The following DACH1 variants were observed in gnomAD, a reference collection of about 807,000 sequenced individuals.
The protein encoded by DACH1 is dachshund homolog 1.
In DACH1, 12 loss-of-function variants were observed where a neutral mutation model predicts 54.2. That is an observed-to-expected ratio of 0.22 (90% CI 0.14 to 0.36). The LOEUF is 0.36. Among genes scored for constraint, DACH1 ranks in the 10% least tolerant of loss-of-function variants. The pLI is 1.00. For missense variants in DACH1, 805 were observed against 929.8 expected (o/e 0.87, Z 1.75); for synonymous variants, 386 against 366.2 (o/e 1.05, Z -0.62).
intron 1 of DACH1, among the ~76,000 whole-genome samples, chr13:71,836,859 C>G (rs75178863): frequency 6.6e-6 from 1 of 152,010 alleles, no homozygotes; most frequent in South Asian, 2.1e-4. Context: ...GCCTCCCTCT[C>G]CACCCCTAAC....
At chr13:71,669,086 T>A (rs1199760029) in intron 2 of DACH1, among the ~76,000 whole-genome samples, 1 of 152,170 alleles carries the variant, frequency 6.6e-6, no homozygotes, top group Admixed American at 6.5e-5. Flanking sequence ...GTTTTAAAAA[T>A]CATCATCATA....
At chr13:71,796,532 G>T (rs1887058729) in intron 1 of DACH1, among the ~76,000 whole-genome samples, 1 of 151,964 alleles carries the variant, frequency 6.6e-6, no homozygotes, top group Non-Finnish European at 1.5e-5. Context: ...ATGATTTAAG[G>T]TTACACACTG....
chr13:71,520,910 G>T (rs528328797), intron 6 of DACH1, among the ~76,000 whole-genome samples: 6 of 152,026 alleles, frequency 3.9e-5, no homozygotes, highest in East Asian at 3.9e-4. Context: ...AAGATAATTT[G>T]TAAGCATATA....
intron 1 of DACH1, among the ~76,000 whole-genome samples, chr13:71,778,112 A>G (rs1886142968): frequency 6.7e-6 from 1 of 148,406 alleles, no homozygotes; most frequent in South Asian, 2.1e-4. Flanking sequence ...ATAAATAAAT[A>G]AATAAATAAA....
In DACH1 at chr13:71,865,312, G is replaced by A. The variant is rs147322206; in HGVS notation, c.848+610C>T. On this transcript the variant is annotated intron_variant, in intron 1 of 10. Transcript: ENST00000613252. ...ATGGACCCGGTCTCTCAGCTTCGCG[G>A]GTCATTTCCCTCCCGACCTCAAAGT... Among the ~76,000 whole-genome samples the A allele has an allele frequency of 1.8e-3, 268 of 152,216 alleles. 1 individual carries two copies. The highest frequency in any genetic ancestry group is 6.3e-3 in the African/African-American group (261 of 41,568).
chr13:71,692,010 T>TACACACACACAC (rs34800453), intron 1 of DACH1, among the ~76,000 whole-genome samples: 22 of 140,030 alleles, frequency 1.6e-4, no homozygotes, highest in Admixed American at 7.1e-4. Context: ...AGCCCCCCAT[T>TACACACACACAC]ACACACACAC....
chr13:71,568,107 A>T (rs1884998260), intron 4 of DACH1, among the ~76,000 whole-genome samples: 1 of 152,052 alleles, frequency 6.6e-6, no homozygotes. Flanking sequence ...AGGTGGCATA[A>T]ATAGCTAATG....
At chr13:71,732,247 C>T (rs372326072) in intron 1 of DACH1, among the ~76,000 whole-genome samples, 1 of 152,202 alleles carries the variant, frequency 6.6e-6, no homozygotes, top group African/African-American at 2.4e-5. Flanking sequence ...CTTCTACTGT[C>T]CTAGTTCAGC....
intron 4 of DACH1, among the ~76,000 whole-genome samples, chr13:71,562,510 C>T (rs949427718): frequency 1.3e-5 from 2 of 152,014 alleles, no homozygotes; most frequent in African/African-American, 4.8e-5. Flanking sequence ...GCATTTGTTA[C>T]ACGCTAGGAT....
intron 2 of DACH1, among the ~76,000 whole-genome samples, chr13:71,676,748 G>A (rs1880599950): frequency 6.6e-6 from 1 of 152,014 alleles, no homozygotes; most frequent in African/African-American, 2.4e-5. Context: ...ATTAATTCTA[G>A]ATTAATATTG....
At chr13:71,466,451 C>T (rs1284148102) in intron 10 of DACH1, among the ~76,000 whole-genome samples, 1 of 152,112 alleles carries the variant, frequency 6.6e-6, no homozygotes, top group African/African-American at 2.4e-5. Flanking sequence ...TCTAAACTTC[C>T]ACTTTCAATC....
At chr13:71,507,953 C>T (rs1175323489) in intron 6 of DACH1, among the ~76,000 whole-genome samples, 1 of 152,038 alleles carries the variant, frequency 6.6e-6, no homozygotes, top group Non-Finnish European at 1.5e-5. Context: ...ATCTGTTCAT[C>T]CTATTATTTC....
intron 1 of DACH1, among the ~76,000 whole-genome samples, chr13:71,692,473 C>A (rs142345542): frequency 4.8e-3 from 433 of 89,440 alleles, no homozygotes; most frequent in Admixed American, 7.3e-3. Flanking sequence ...TTATTTCTTT[C>A]TTTCTTTCCT....
At position 71,778,987 on chromosome 13, in the gene DACH1, G is replaced by T. The variant is rs530519516; in HGVS notation, c.848+86935C>A. 6.6e-5 allele frequency among the ~76,000 whole-genome samples: 10 copies of T among 151,566 alleles called. No individual in the cohort carries two copies. The South Asian group carries it at 2.1e-3, about 32-fold the overall frequency. On this transcript the variant is annotated intron_variant, in intron 1 of 10. Coordinates refer to ENST00000613252, the MANE Select transcript of DACH1 (RefSeq NM_080759.6). ...CCCCTTTTTCAGCAAGATTTGAATG[G>T]CATTTTGCAAGACTTAACTTTGATA...
chr13:71,726,994 A>G (rs531577882), intron 1 of DACH1, among the ~76,000 whole-genome samples: 1 of 152,112 alleles, frequency 6.6e-6, no homozygotes, highest in Admixed American at 6.6e-5. Context: ...GCTGTTTTCT[A>G]TGTAAAATGA....
chr13:71,678,316 C>G (rs1441583274), intron 2 of DACH1, among the ~76,000 whole-genome samples: 1 of 152,114 alleles, frequency 6.6e-6, no homozygotes, highest in Non-Finnish European at 1.5e-5. Flanking sequence ...TGTTTTAAGA[C>G]AGTAAAGATA....
chr13:71,696,869 C>T (rs777787371), intron 1 of DACH1, among the ~76,000 whole-genome samples: 8 of 152,096 alleles, frequency 5.3e-5, no homozygotes, highest in Non-Finnish European at 1.2e-4. Flanking sequence ...TAAGACTGCA[C>T]TGCTATTCCA....
intron 1 of DACH1, among the ~76,000 whole-genome samples, chr13:71,865,016 C>G (rs543268951): frequency 6.6e-6 from 1 of 152,126 alleles, no homozygotes; most frequent in Non-Finnish European, 1.5e-5. Flanking sequence ...AAAGAGAGAT[C>G]GAGAGAGAGC....
chr13:71,810,480 A>C (rs1464017000), intron 1 of DACH1, among the ~76,000 whole-genome samples: 1 of 152,228 alleles, frequency 6.6e-6, no homozygotes, highest in East Asian at 1.9e-4. Flanking sequence ...TTATTTTAAC[A>C]TGGATTATTT....
Sources: gnomAD v4.1 joint callset for allele counts (sites outside exome capture counted in the v4.1 genomes callset) on GRCh38, gnomAD v4.1.1 for gene constraint, MANE v1.5 for transcripts, NCBI Gene and HGNC (gene_info 2026-07-23, HGNC 2026-07-21) for gene names.